Variants in ZBTB16 observed in about 807,000 individuals in gnomAD.
The protein encoded by ZBTB16 is zinc finger and BTB domain containing 16.
In ZBTB16, 8 loss-of-function variants were observed where a neutral mutation model predicts 56.8. The ratio of observed to expected loss-of-function variants is 0.14; its 90% CI spans 0.08 to 0.25. The LOEUF (loss-of-function observed/expected upper bound fraction) is 0.25, where lower values mean the gene tolerates loss of function less well. Ranked by LOEUF, ZBTB16 falls within the 10% of genes least tolerant of loss-of-function variation. The probability of loss-of-function intolerance (pLI) is 1.00; values close to 1 mark genes in which losing one functional copy is unlikely to be tolerated. For synonymous variants in ZBTB16, 363 were observed against 368.5 expected, an observed-to-expected ratio of 0.98 and a Z score of 0.17; for missense variants, 625 against 903.0, an observed-to-expected ratio of 0.69 and a Z score of 3.95.
At chr11:114,235,722 C>CTTTCTT (rs1347535145) in intron 4 of ZBTB16, among the ~76,000 whole-genome samples, 5,499 of 103,058 alleles carry the variant, frequency 0.053, 403 homozygotes, top group African/African-American at 0.18. Flanking sequence ...CTTTCTTTTT[C>CTTTCTT]TTTCTTTCTT....
At chr11:114,169,834 C>G (rs1942905592) in intron 3 of ZBTB16, among the ~76,000 whole-genome samples, 1 of 152,188 alleles carries the variant, frequency 6.6e-6, no homozygotes, top group African/African-American at 2.4e-5. Flanking sequence ...TTGATGAGGT[C>G]TTTGCTGCTG....
rs111507028 is a variant in ZBTB16 at position 114,127,179 on chromosome 11, C to T, written c.1269-29158C>T. 1.1e-3 allele frequency among the ~76,000 whole-genome samples: 162 copies of T among 152,166 alleles called. 1 individual carries two copies. The highest frequency in any genetic ancestry group is 2.0e-3 in the Non-Finnish European group (133 of 68,012). ...TCTCAGCGTGATGGTGGGAGGGGGT[C>T]GTATGCATTTTCAAAGCCTTTCCTG... On this transcript the variant is annotated intron_variant, in intron 2 of 6. Coordinates refer to ENST00000335953, the MANE Select transcript of ZBTB16 (RefSeq NM_006006.6).
intron 2 of ZBTB16, among the ~76,000 whole-genome samples, chr11:114,084,814 G>A (rs903507157): frequency 5.3e-5 from 8 of 152,236 alleles, no homozygotes; most frequent in Admixed American, 3.3e-4. Flanking sequence ...ATGAGCTGCT[G>A]TTCAGGCACA....
At chr11:114,096,765 G>T (rs551020603) in intron 2 of ZBTB16, among the ~76,000 whole-genome samples, 4 of 152,184 alleles carry the variant, frequency 2.6e-5, no homozygotes, top group Non-Finnish European at 5.9e-5. Flanking sequence ...GTACCCTTGC[G>T]TGGCTTCCCG....
At chr11:114,120,926 G>A (rs897714460) in intron 2 of ZBTB16, among the ~76,000 whole-genome samples, 1 of 152,170 alleles carries the variant, frequency 6.6e-6, no homozygotes, top group African/African-American at 2.4e-5. Context: ...AAGCCATACA[G>A]CCTTGGCCGC....
intron 2 of ZBTB16, among the ~76,000 whole-genome samples, chr11:114,118,379 G>A (rs1372854051): frequency 6.6e-6 from 1 of 152,122 alleles, no homozygotes; most frequent in Non-Finnish European, 1.5e-5. Context: ...GTTTTACCAT[G>A]TTGGCCAGAC....
intron 4 of ZBTB16, among the ~76,000 whole-genome samples, chr11:114,199,349 C>T (rs572633360): frequency 2.8e-4 from 42 of 150,638 alleles, no homozygotes; most frequent in Middle Eastern, 3.5e-3. Flanking sequence ...TGCCGCTGGG[C>T]CCCGGGACGG....
At chr11:114,162,250 A>T (rs1027926349) in intron 3 of ZBTB16, among the ~76,000 whole-genome samples, 1 of 152,234 alleles carries the variant, frequency 6.6e-6, no homozygotes, top group African/African-American at 2.4e-5. Context: ...GAAGAAAAGC[A>T]TTACAAGATG....
chr11:114,230,057 C>A (rs1437021478), intron 4 of ZBTB16, among the ~76,000 whole-genome samples: 1 of 152,050 alleles, frequency 6.6e-6, no homozygotes, highest in Non-Finnish European at 1.5e-5. Flanking sequence ...TTGGTGGTCC[C>A]GCCCTCTCGG....
chr11:114,167,232 G>GTT (rs58946694), intron 3 of ZBTB16, among the ~76,000 whole-genome samples: 52,251 of 87,420 alleles, frequency 0.6, 15,394 homozygotes, highest in South Asian at 0.71. Context: ...TTTTTTTTTG[G>GTT]TTTTTTTTTT....
chr11:114,193,327 T>G (rs946492669), intron 4 of ZBTB16, among the ~76,000 whole-genome samples: 3 of 152,100 alleles, frequency 2.0e-5, no homozygotes, highest in Non-Finnish European at 2.9e-5. Flanking sequence ...GGTGGATGCT[T>G]TGAGAAGGGC....
chr11:114,217,869 A>C (rs1048599307), intron 4 of ZBTB16, among the ~76,000 whole-genome samples: 1 of 152,114 alleles, frequency 6.6e-6, no homozygotes, highest in Non-Finnish European at 1.5e-5. Context: ...GAAGCATGGG[A>C]CCTCAGGTGC....
intron 2 of ZBTB16, among the ~76,000 whole-genome samples, chr11:114,154,569 A>G (rs555852724): frequency 6.6e-6 from 1 of 152,306 alleles, no homozygotes; most frequent in East Asian, 1.9e-4. Context: ...CCAAAATGCT[A>G]TTAGGACATG....
At chr11:114,111,998 A>C (rs1941019329) in intron 2 of ZBTB16, among the ~76,000 whole-genome samples, 1 of 152,056 alleles carries the variant, frequency 6.6e-6, no homozygotes, top group Non-Finnish European at 1.5e-5. Flanking sequence ...TCCATTTGTC[A>C]ATTTTTTTGT....
chr11:114,186,217 A>G (rs1015821839), intron 3 of ZBTB16, among the ~76,000 whole-genome samples: 1 of 152,188 alleles, frequency 6.6e-6, no homozygotes, highest in Admixed American at 6.5e-5. Flanking sequence ...CCAGAGAAGC[A>G]TGGGAGAATG....
intron 4 of ZBTB16, among the ~76,000 whole-genome samples, chr11:114,197,300 C>T (rs1299003820): frequency 2.0e-5 from 3 of 152,152 alleles, no homozygotes; most frequent in Non-Finnish European, 2.9e-5. Flanking sequence ...ATACCTCTGG[C>T]GGCTGAGGGT....
At chr11:114,099,757 C>T (rs1591664797) in intron 2 of ZBTB16, among the ~76,000 whole-genome samples, 1 of 152,132 alleles carries the variant, frequency 6.6e-6, no homozygotes, top group Non-Finnish European at 1.5e-5. Context: ...AAAACAGAAG[C>T]GATGATACAA....
chr11:114,098,840 A>C (rs1940508085), intron 2 of ZBTB16, among the ~76,000 whole-genome samples: 1 of 151,530 alleles, frequency 6.6e-6, no homozygotes, highest in Non-Finnish European at 1.5e-5. Context: ...GGTGAGGGGA[A>C]AAGGAAATGG....
At chr11:114,094,924 G>A (rs1940325045) in intron 2 of ZBTB16, among the ~76,000 whole-genome samples, 2 of 152,256 alleles carry the variant, frequency 1.3e-5, no homozygotes, top group South Asian at 2.1e-4. Context: ...TATGTGCCCT[G>A]TTAGCCCAGA....
Sources: allele counts gnomAD v4.1 joint callset (sites outside exome capture counted in the v4.1 genomes callset), GRCh38; gene constraint gnomAD v4.1.1; transcripts MANE v1.5; gene names NCBI Gene and HGNC (gene_info 2026-07-23, HGNC 2026-07-21).